The following ZNF653 variants were observed in gnomAD, a reference collection of about 807,000 sequenced individuals.
ZNF653 encodes zinc finger protein 653.
In ZNF653, 37 loss-of-function variants were observed where a neutral mutation model predicts 59.9. The ratio of observed to expected loss-of-function variants is 0.62; its 90% confidence interval spans 0.48 to 0.81. ZNF653 has a LOEUF of 0.81. Ranked by LOEUF, ZNF653 falls within the 40% of genes least tolerant of loss-of-function variation. The pLI, the probability that ZNF653 is intolerant of heterozygous loss-of-function variation, is 0.00. For synonymous variants in ZNF653, 435 were observed against 371.8 expected (o/e 1.17, Z -1.96); for missense variants, 808 against 881.1 (o/e 0.92, Z 1.05).
Position 11,483,753 on chromosome 19 carries a change from T to C in ZNF653, c.1777A>G (p.Lys593Glu). The C allele has an allele frequency of 6.2e-7, 1 of 1,613,700 alleles. No individual in the cohort carries two copies. The highest frequency in any genetic ancestry group is 8.5e-7 in the Non-Finnish European group (1 of 1,179,710). Residue 593 changes from lysine (K) to glutamate (E), a missense_variant, in exon 9 of 9, where the codon AAG becomes GAG. Physicochemically the swap from Lys to Glu is moderately conservative, Grantham distance 56. Coordinates refer to ENST00000293771, the MANE Select transcript of ZNF653 (RefSeq NM_138783.4). ...ACGCTGTCCAGCTTCTCGAAGCGCT[T>C]CCCGCAGCGATCGCACGTGAAGTTG... is the stretch of plus-strand genomic sequence containing the variant. The part of the protein sequence containing the change: ...QYNFTCDRCG[K>E]RFEKLDSVKF...
In ZNF653 at chr19:11,505,808, C is replaced by G. The variant is rs1971717802; in HGVS notation, c.-22G>C. ...CCATCCCCCCCACCCTGGTTACCAG[C>G]CTCCCCCGTTGTTAGGAGCCAGACC... On this transcript the variant is annotated 5_prime_UTR_variant, in exon 1 of 9. Coordinates refer to ENST00000293771, the MANE Select transcript of ZNF653 (RefSeq NM_138783.4). 1.5e-6 allele frequency: 2 copies of G among 1,369,026 alleles called. No homozygotes were observed. The highest frequency in any genetic ancestry group is 1.9e-6 in the Non-Finnish European group (2 of 1,065,238). 84.8% of individuals were successfully genotyped at this position (1,369,026 alleles called of 1,614,324 possible).
intron 2 of ZNF653, among the ~76,000 whole-genome samples, 166 bp from the exon 3 acceptor site, chr19:11,496,331 G>C (rs1971588072): frequency 6.6e-6 from 1 of 152,212 alleles, no homozygotes; most frequent in Admixed American, 6.5e-5. Flanking sequence ...GCTCAGAGAG[G>C]AGAGGCACCC....
intron 7 of ZNF653, among the ~76,000 whole-genome samples, chr19:11,485,040 G>A (rs1483029356): frequency 6.6e-6 from 1 of 150,960 alleles, no homozygotes; most frequent in Non-Finnish European, 1.5e-5. Flanking sequence ...AGACTCTGTT[G>A]CAAAAAATAA....
intron 3 of ZNF653, among the ~76,000 whole-genome samples, chr19:11,490,234 C>T (rs966401329): frequency 7.2e-5 from 11 of 152,146 alleles, no homozygotes; most frequent in African/African-American, 2.2e-4. Flanking sequence ...TTCAACTCAG[C>T]GACAGCCAAA....
chr19:11,488,072 T>G (rs1401385084), intron 3 of ZNF653, among the ~76,000 whole-genome samples, 169 bp from the exon 4 acceptor site: 1 of 143,914 alleles, frequency 6.9e-6, no homozygotes, highest in Non-Finnish European at 1.5e-5. Context: ...ACTGCAACCT[T>G]GGCATCCCCG....
At chr19:11,497,894 C>T (rs1171014933) in intron 2 of ZNF653, among the ~76,000 whole-genome samples, 6 of 152,194 alleles carry the variant, frequency 3.9e-5, no homozygotes, top group Non-Finnish European at 8.8e-5. Context: ...TGGCCTTCAC[C>T]CTGCTGGACA....
intron 3 of ZNF653, among the ~76,000 whole-genome samples, chr19:11,493,280 G>A (rs1599564230): frequency 6.8e-6 from 1 of 148,122 alleles, no homozygotes; most frequent in Admixed American, 6.7e-5. Context: ...CTGGTCTTGA[G>A]CTCCTGGTCT....
chr19:11,492,819 C>G lies in ZNF653; in HGVS notation c.559+3131G>C, dbSNP rs150965933. ...CAATCTCTGCTCCCTAGTCTTGGCTCACTGCAGCCTCTGCCTCCCGGGTTC... is the reference window on the plus strand; with the variant it reads ...CAATCTCTGCTCCCTAGTCTTGGCTGACTGCAGCCTCTGCCTCCCGGGTTC... On this transcript the variant is annotated intron_variant, in intron 3 of 8. Transcript: ENST00000293771. Among the ~76,000 whole-genome samples the G allele has an allele frequency of 3.3e-3, 501 of 152,364 alleles. 4 individuals are homozygous for G. The highest frequency in any genetic ancestry group is 0.012 in the African/African-American group (484 of 41,598).
At chr19:11,488,321 T>C (rs904410846) in intron 3 of ZNF653, among the ~76,000 whole-genome samples, 1 of 151,658 alleles carries the variant, frequency 6.6e-6, no homozygotes, top group Non-Finnish European at 1.5e-5. Flanking sequence ...GGCTAATGTT[T>C]TGTATTTTTA....
In ZNF653 at chr19:11,487,206, A is replaced by T; in HGVS notation, c.1172-48T>A. On this transcript the variant is annotated intron_variant, in intron 4 of 8. Transcript: ENST00000293771. This position sits in a 1 kb window ranked among gnomAD's most constrained non-coding sequence, Gnocchi z 5.1. The stretch of plus-strand genomic sequence containing the variant: ...TGTCCGCAGGGGACGAAGGCTGCCG[A>T]GGTGCCCACTTCGAGGGCCATTCCT... 6.2e-7 allele frequency: 1 copy of T among 1,603,706 alleles called. No homozygotes were observed. Among genetic ancestry groups the T allele is most frequent in the East Asian group, 2.2e-5 (1 of 44,774 alleles).
At chr19:11,486,223 T>C (rs1971464081) in intron 6 of ZNF653, among the ~76,000 whole-genome samples, 1 of 152,166 alleles carries the variant, frequency 6.6e-6, no homozygotes, top group African/African-American at 2.4e-5. Flanking sequence ...CCTCCCAAAG[T>C]GCTGGGATTA....
rs1433551223 is a variant in ZNF653 at position 11,486,860 on chromosome 19, G to A, written c.1364C>T (p.Ser455Leu). 1.7e-5 allele frequency: 27 copies of A among 1,611,130 alleles called. No individual in the cohort carries two copies. Among genetic ancestry groups the A allele is most frequent in the Non-Finnish European group, 2.1e-5 (25 of 1,178,790 alleles). ...CAGGCCGTCAGCATCCATCACCCGC[G>A]ACCGCTTGCTCCGCCGCCTCCTGGA... ...EPEKRRRSKR[S>L]RVMDADGLLE... Residue 455 changes from serine to leucine, a missense_variant, in exon 6 of 9, where the codon TCG becomes TTG. Ser to Leu is a moderately radical substitution (Grantham distance 145). Transcript: ENST00000293771.
chr19:11,499,699 G>A (rs1971624720), intron 1 of ZNF653, among the ~76,000 whole-genome samples: 1 of 151,528 alleles, frequency 6.6e-6, no homozygotes, highest in Non-Finnish European at 1.5e-5. Flanking sequence ...ATCGCTTGAG[G>A]CCAGAAGTTG....
intron 1 of ZNF653, among the ~76,000 whole-genome samples, chr19:11,501,940 G>A (rs559002536): frequency 1.9e-4 from 29 of 152,092 alleles, no homozygotes; most frequent in African/African-American, 6.7e-4. Flanking sequence ...GACTATAGGC[G>A]TGTGCCACCA....
Position 11,487,687 on chromosome 19 carries a change from G to T in ZNF653, c.776C>A (p.Thr259Asn), listed in dbSNP as rs200408821. Residue 259 changes from threonine to asparagine, a missense_variant, in exon 4 of 9, where the codon ACC (threonine) becomes AAC (asparagine). Transcript: ENST00000293771. This position sits in a 1 kb window ranked among gnomAD's most constrained non-coding sequence, Gnocchi z 5.1. Reference protein sequence around the residue: ...HHVESLAEQGTPLCSNPAGNG... With the variant: ...HHVESLAEQGNPLCSNPAGNG... ...GCCTGCTGGGTTGGAGCACAGCGGG[G>T]TACCCTGCTCGGCCAGGCTTTCCAC... The T allele has an allele frequency of 7.6e-5, 123 of 1,613,732 alleles. No individual in the cohort carries two copies. Among genetic ancestry groups the T allele is most frequent in the Non-Finnish European group, 1.0e-5 (12 of 1,179,978 alleles).
intron 8 of ZNF653, 64 bp downstream of exon 8, chr19:11,483,978 C>T: frequency 6.5e-7 from 1 of 1,535,310 alleles, no homozygotes; most frequent in Non-Finnish European, 8.8e-7. Context: ...GAAGCCGCCC[C>T]TGGGACCTGC....
chr19:11,499,948 G>A (rs1049088099), intron 1 of ZNF653, among the ~76,000 whole-genome samples: 1 of 151,958 alleles, frequency 6.6e-6, no homozygotes. Flanking sequence ...AACAAAAAAC[G>A]ATCTTCGTCA....
intron 7 of ZNF653, 121 bp downstream of exon 7, chr19:11,485,535 G>A (rs540896925): frequency 5.7e-6 from 4 of 697,610 alleles, no homozygotes; most frequent in Middle Eastern, 3.9e-4. Context: ...GAGGCTCCTA[G>A]GGGTGTAGTC....
intron 7 of ZNF653, 124 bp from the exon 8 acceptor site, chr19:11,484,265 G>A (rs867598438): frequency 1.3e-6 from 1 of 767,660 alleles, no homozygotes. Flanking sequence ...TGCAGGTGCA[G>A]GCCGACCAAA....
Sources: gnomAD v4.1 joint callset for allele counts (sites outside exome capture counted in the v4.1 genomes callset) on GRCh38, gnomAD v4.1.1 for gene constraint, Gnocchi (gnomAD v3.1) non-coding constraint, MANE v1.5 for transcripts, NCBI Gene and HGNC (gene_info 2026-07-23, HGNC 2026-07-21) for gene names.